SMYD3: variants seen among roughly 807,000 people sequenced by gnomAD.
The protein encoded by SMYD3 is histone-lysine N-methyltransferase SMYD3.
A neutral mutation model predicts 57.7 loss-of-function variants in SMYD3; 36 were observed. The observed-to-expected ratio is 0.62, with a 90% CI of 0.48 to 0.82. The LOEUF is 0.82. SMYD3 is among the 40% of genes least tolerant of loss of function. The probability of loss-of-function intolerance (pLI) is 0.00; values close to 1 mark genes in which losing one functional copy is unlikely to be tolerated. For synonymous variants in SMYD3, 211 were observed against 195.0 expected, an observed-to-expected ratio of 1.08 and a Z score of -0.68; for missense variants, 515 against 538.8, an observed-to-expected ratio of 0.96 and a Z score of 0.44.
chr1:246,040,241 A>G (rs1286202524), intron 5 of SMYD3, among the ~76,000 whole-genome samples: 1 of 152,236 alleles, frequency 6.6e-6, no homozygotes, highest in Non-Finnish European at 1.5e-5. Context: ...TGAAAACAGA[A>G]GAGGATTTAT....
intron 1 of SMYD3, among the ~76,000 whole-genome samples, chr1:246,440,883 C>T (rs531321033): frequency 1.1e-4 from 16 of 152,224 alleles, no homozygotes; most frequent in African/African-American, 3.9e-4. Flanking sequence ...TTGTATTTTC[C>T]TAAGAGGAAG....
Position 246,335,459 on chromosome 1 carries a change from C to G in SMYD3, c.244G>C (p.Asp82His). Residue 82 changes from aspartate (D) to histidine (H), a missense_variant, in exon 3 of 12, where the codon GAC becomes CAC. Physicochemically the swap from Asp to His is moderately conservative, Grantham distance 81. Coordinates refer to ENST00000490107, the MANE Select transcript of SMYD3 (RefSeq NM_001167740.2). ...SAKCQKKAWPDHKRECKCLKS... is the reference protein window; with the variant it reads ...SAKCQKKAWPHHKRECKCLKS... The stretch of plus-strand genomic sequence containing the variant: ...AGGCATTTGCATTCCCGCTTGTGGT[C>G]TGGCCAAGCTTTTTTCTATTAAAAC... 6.2e-7 allele frequency: 1 copy of G among 1,614,082 alleles called. No homozygotes were observed. Among genetic ancestry groups the G allele is most frequent in the Non-Finnish European group, 8.5e-7 (1 of 1,179,998 alleles).
At chr1:246,265,308 T>A (rs1221444997) in intron 5 of SMYD3, among the ~76,000 whole-genome samples, 1 of 94,860 alleles carries the variant, frequency 1.1e-5, no homozygotes, top group Admixed American at 1.2e-4. Context: ...ATTTTTGTAT[T>A]TTTTTTTTTT....
At chr1:245,913,043 C>T (rs1417971589) in intron 8 of SMYD3, among the ~76,000 whole-genome samples, 1 of 152,126 alleles carries the variant, frequency 6.6e-6, no homozygotes, top group Non-Finnish European at 1.5e-5. Context: ...AGTCATGCTG[C>T]TATAAAGACA....
intron 1 of SMYD3, among the ~76,000 whole-genome samples, chr1:246,454,356 A>G (rs1558472362): frequency 6.6e-6 from 1 of 152,220 alleles, no homozygotes; most frequent in South Asian, 2.1e-4. Context: ...TTCCATCAAG[A>G]GAAATATTTA....
At chr1:245,749,831 A>G (rs777142977) in intron 11 of SMYD3, among the ~76,000 whole-genome samples, 167 bp from the exon 12 acceptor site, 3 of 152,306 alleles carry the variant, frequency 2.0e-5, no homozygotes, top group Admixed American at 1.3e-4. Flanking sequence ...GGAAAGTCAC[A>G]TGAAAAGGGT....
intron 5 of SMYD3, among the ~76,000 whole-genome samples, chr1:246,273,135 C>CTTTTTTTTTTT (rs71299006): frequency 0.021 from 2,298 of 107,432 alleles, 168 homozygotes; most frequent in Non-Finnish European, 0.025. Flanking sequence ...TCCCTGTTTT[C>CTTTTTTTTTTT]TTTTTTTTTT....
At chr1:246,259,091 T>C (rs2063952154) in intron 5 of SMYD3, among the ~76,000 whole-genome samples, 1 of 152,210 alleles carries the variant, frequency 6.6e-6, no homozygotes, top group African/African-American at 2.4e-5. Flanking sequence ...AAGATATTTA[T>C]CTCTTCCTTC....
At chr1:246,256,009 C>CATAGATACATAG (rs534722734) in intron 5 of SMYD3, among the ~76,000 whole-genome samples, 1 of 151,662 alleles carries the variant, frequency 6.6e-6, no homozygotes, top group African/African-American at 2.4e-5. Flanking sequence ...TACATACATA[C>CATAGATACATAG]ATAGATACAT....
At chr1:245,864,581 T>A (rs566761025) in intron 8 of SMYD3, among the ~76,000 whole-genome samples, 1 of 150,534 alleles carries the variant, frequency 6.6e-6, no homozygotes, top group East Asian at 2.0e-4. Flanking sequence ...AGAGACAGAG[T>A]CGATTTGTGG....
intron 7 of SMYD3, 78 bp from the exon 8 acceptor site, chr1:245,915,718 AATT>A: frequency 1.1e-6 from 1 of 927,824 alleles, no homozygotes; most frequent in East Asian, 2.6e-5. Flanking sequence ...TATTATTGCT[AATT>A]ATTGGAGTAA....
At chr1:245,780,891 T>C (rs905605225) in intron 10 of SMYD3, among the ~76,000 whole-genome samples, 1 of 152,186 alleles carries the variant, frequency 6.6e-6, no homozygotes, top group Non-Finnish European at 1.5e-5. Context: ...ATGTACTATA[T>C]CCATACAATG....
chr1:246,422,919 C>A, intron 1 of SMYD3, among the ~76,000 whole-genome samples: 2 of 151,972 alleles, frequency 1.3e-5, no homozygotes, highest in East Asian at 3.9e-4. Flanking sequence ...AAAATTAATT[C>A]TCTGGTTAGA....
intron 5 of SMYD3, among the ~76,000 whole-genome samples, chr1:246,278,228 T>A (rs2064372356): frequency 7.1e-6 from 1 of 141,114 alleles, no homozygotes. Context: ...CCTTTCCGTC[T>A]CCCCTCTGTT....
chr1:246,273,161 T>TTTTTTTTTTTTTTTG (rs2064258201), intron 5 of SMYD3, among the ~76,000 whole-genome samples: 1 of 131,080 alleles, frequency 7.6e-6, no homozygotes, highest in Non-Finnish European at 1.6e-5. Flanking sequence ...TTCTTTTTTT[T>TTTTTTTTTTTTTTTG]GGGGGGGGGA....
At chr1:245,948,920 G>T (rs12030376) in intron 5 of SMYD3, among the ~76,000 whole-genome samples, 12,054 of 152,234 alleles carry the variant, frequency 0.079, 821 homozygotes, top group East Asian at 0.24. Flanking sequence ...CCTGGGGATT[G>T]CCCTACCCCG....
At chr1:246,220,982 G>C (rs115011755) in intron 5 of SMYD3, among the ~76,000 whole-genome samples, 6,760 of 151,836 alleles carry the variant, frequency 0.045, 255 homozygotes, top group African/African-American at 0.087. Context: ...TCTCTGCTGA[G>C]AGAACAGACA....
chr1:245,954,722 T>C (rs1366285777), intron 5 of SMYD3, among the ~76,000 whole-genome samples: 22 of 152,276 alleles, frequency 1.4e-4, no homozygotes, highest in Non-Finnish European at 2.9e-5. Context: ...TCCAAATTCA[T>C]GTGCTAATCA....
At chr1:246,030,602 G>C (rs1558165475) in intron 5 of SMYD3, among the ~76,000 whole-genome samples, 1 of 152,130 alleles carries the variant, frequency 6.6e-6, no homozygotes, top group African/African-American at 2.4e-5. Context: ...TGATGGTATA[G>C]TGATCACTCT....
Sources: gnomAD v4.1 joint callset for allele counts (sites outside exome capture counted in the v4.1 genomes callset) on GRCh38, gnomAD v4.1.1 for gene constraint, MANE v1.5 for transcripts, NCBI Gene and HGNC (gene_info 2026-07-23, HGNC 2026-07-21) for gene names.